The following TSPAN9 variants were observed in gnomAD, a reference collection of about 807,000 sequenced individuals.
TSPAN9 encodes tetraspanin 9.
TSPAN9 carries 16 observed loss-of-function variants against 31.0 expected under a neutral mutation model. The ratio of observed to expected loss-of-function variants is 0.52; its 90% CI spans 0.35 to 0.78. TSPAN9 has a LOEUF of 0.78. Ranked by LOEUF, TSPAN9 falls within the 30% of genes least tolerant of loss-of-function variation. The pLI is 0.01. For missense variants in TSPAN9, 272 were observed against 312.5 expected (o/e 0.87, Z 0.98); for synonymous variants, 145 against 121.6 (o/e 1.19, Z -1.27).
chr12:3,272,923 C>G (rs1485211903), intron 3 of TSPAN9: 1 of 152,300 alleles, frequency 6.6e-6, no homozygotes, highest in Non-Finnish European at 1.5e-5. Flanking sequence ...GGGATATTAG[C>G]TAACTACAAG....
At chr12:3,244,738 G>C (rs1376785126) in intron 3 of TSPAN9, among the ~76,000 whole-genome samples, 2 of 152,190 alleles carry the variant, frequency 1.3e-5, no homozygotes, top group African/African-American at 4.8e-5. Flanking sequence ...AATGGGGAGA[G>C]GGTTTGTGGG....
intron 3 of TSPAN9, among the ~76,000 whole-genome samples, chr12:3,250,742 C>T (rs1206789711): frequency 6.6e-6 from 1 of 152,258 alleles, no homozygotes; most frequent in East Asian, 1.9e-4. Flanking sequence ...GACACCAGAA[C>T]CCTTTCCTGG....
intron 3 of TSPAN9, among the ~76,000 whole-genome samples, chr12:3,264,638 C>T (rs980351892): frequency 6.6e-6 from 1 of 152,214 alleles, no homozygotes; most frequent in Non-Finnish European, 1.5e-5. Flanking sequence ...CAGGACCTCC[C>T]TGCCTCTCTC....
At chr12:3,209,249 A>T (rs1565614578) in intron 3 of TSPAN9, among the ~76,000 whole-genome samples, 1 of 146,048 alleles carries the variant, frequency 6.8e-6, no homozygotes, top group East Asian at 1.9e-4. Flanking sequence ...AAAAAAAAAA[A>T]TAAAAAACTA....
At chr12:3,202,206 G>A (rs558713008) in intron 3 of TSPAN9, among the ~76,000 whole-genome samples, 8 of 152,168 alleles carry the variant, frequency 5.3e-5, no homozygotes, top group South Asian at 4.1e-4. Context: ...CCCAATTGCC[G>A]TCTCTGCCTT....
intron 2 of TSPAN9, among the ~76,000 whole-genome samples, chr12:3,140,359 G>A (rs1351792816): frequency 6.6e-6 from 1 of 152,148 alleles, no homozygotes; most frequent in Admixed American, 6.5e-5. Flanking sequence ...CAAGATACGG[G>A]CCAGTTTGGG....
At chr12:3,134,899 T>C (rs929576499) in intron 2 of TSPAN9, among the ~76,000 whole-genome samples, 1 of 151,944 alleles carries the variant, frequency 6.6e-6, no homozygotes, top group South Asian at 2.1e-4. Context: ...ACATCATCCA[T>C]GTATAGAAGG....
At chr12:3,165,645 T>C (rs1312746159) in intron 2 of TSPAN9, among the ~76,000 whole-genome samples, 1 of 152,214 alleles carries the variant, frequency 6.6e-6, no homozygotes, top group African/African-American at 2.4e-5. Flanking sequence ...GCTGTGGGTC[T>C]GCTGGCAGCT....
rs773433446 is a variant in TSPAN9, at chr12:3,192,406, C to T, written c.-17-8771C>T. ...AAGCAGGGCTGGACAAGGGCGGGGA[C>T]GAGGAGGATGCCAGGTGCAGGGAGG... On this transcript the variant is annotated intron_variant, in intron 2 of 8. Coordinates refer to ENST00000011898, the MANE Select transcript of TSPAN9 (RefSeq NM_006675.5). The surrounding 1 kb of genome is among the most constrained non-coding windows in gnomAD (Gnocchi z 4.6). Among the ~76,000 whole-genome samples the T allele has an allele frequency of 6.5e-4, 99 of 152,010 alleles. 1 individual carries two copies. The highest frequency in any genetic ancestry group is 2.1e-3 in the African/African-American group (89 of 41,430).
intron 2 of TSPAN9, among the ~76,000 whole-genome samples, chr12:3,091,994 T>G (rs1034490350): frequency 2.0e-5 from 3 of 152,186 alleles, no homozygotes; most frequent in African/African-American, 7.2e-5. Context: ...AGGTTTTATA[T>G]TAATCAGTGC....
In TSPAN9 at chr12:3,168,849, G is replaced by A. The variant is rs906878446; in HGVS notation, c.-17-32328G>A. On this transcript the variant is annotated intron_variant, in intron 2 of 8. Transcript: ENST00000011898. This position sits in a 1 kb window ranked among gnomAD's most constrained non-coding sequence, Gnocchi z 4.0. ...TCAGATGCGCTGCCTCGATGGCCCC[G>A]CCTCCCTCCCGGCCAGTGTGGGCGT... Among the ~76,000 whole-genome samples the A allele has an allele frequency of 5.3e-5, 8 of 152,160 alleles. No homozygotes were observed. Among genetic ancestry groups the A allele is most frequent in the African/African-American group, 1.7e-4 (7 of 41,452 alleles).
chr12:3,246,599 G>A (rs1284123323), intron 3 of TSPAN9, among the ~76,000 whole-genome samples: 3 of 152,192 alleles, frequency 2.0e-5, no homozygotes, highest in Admixed American at 1.3e-4. Flanking sequence ...CCAGGGAACA[G>A]TAGCCCAATT....
rs183127582 is a variant in TSPAN9 at position 3,203,273 on chromosome 12, C to T, written c.63+2017C>T. ...CTAGTACAGTGATCTGTACCCTGCACGTTGTAGGCCCTCATTATATGTTTG... is the reference window on the plus strand; with the variant it reads ...CTAGTACAGTGATCTGTACCCTGCATGTTGTAGGCCCTCATTATATGTTTG... On this transcript the variant is annotated intron_variant, in intron 3 of 8. Coordinates refer to ENST00000011898, the MANE Select transcript of TSPAN9 (RefSeq NM_006675.5). Among the ~76,000 whole-genome samples, 29 of 152,238 alleles carry T rather than the reference C, an allele frequency of 1.9e-4. No individual in the cohort carries two copies. In the East Asian group the frequency reaches 2.9e-3, roughly 15 times the overall value.
intron 3 of TSPAN9, among the ~76,000 whole-genome samples, chr12:3,236,440 GC>G (rs1459369972): frequency 2.0e-5 from 3 of 152,188 alleles, no homozygotes; most frequent in African/African-American, 7.2e-5. Flanking sequence ...TAGGTAACTT[GC>G]CCTGGGCTGT....
At chr12:3,248,844 C>A (rs1862191990) in intron 3 of TSPAN9, among the ~76,000 whole-genome samples, 1 of 152,186 alleles carries the variant, frequency 6.6e-6, no homozygotes, top group Non-Finnish European at 1.5e-5. Context: ...GTTTCAACTT[C>A]TTGCTTCAAA....
At chr12:3,094,847 CTTTT>C (rs61154605) in intron 2 of TSPAN9, among the ~76,000 whole-genome samples, 30 of 101,946 alleles carry the variant, frequency 2.9e-4, no homozygotes, top group African/African-American at 1.1e-3. Flanking sequence ...AATCAATAAT[CTTTT>C]TTTTTTTTTT....
chr12:3,176,305 G>T (rs1416379928), intron 2 of TSPAN9, among the ~76,000 whole-genome samples: 1 of 152,230 alleles, frequency 6.6e-6, no homozygotes, highest in Non-Finnish European at 1.5e-5. Context: ...GCCTGGGCTG[G>T]GGAAGGAAGA....
At chr12:3,129,848 G>A (rs528290765) in intron 2 of TSPAN9, among the ~76,000 whole-genome samples, 4 of 152,292 alleles carry the variant, frequency 2.6e-5, no homozygotes, top group Admixed American at 2.6e-4. Context: ...GGGGCCAGCT[G>A]TCCCTCGGGG....
chr12:3,278,896 C>A lies in TSPAN9; in HGVS notation c.256-96C>A, dbSNP rs1036907317. ...GCTGGCTTCTCCCAGACCTGGGAAG[C>A]CCCACCTAGGCGCCGCCTGTCCCTG... On this transcript the variant is annotated intron_variant, in intron 4 of 8. Transcript: ENST00000011898. 4 of 1,334,512 alleles carry A rather than the reference C, an allele frequency of 3.0e-6. No homozygotes were observed. The South Asian group carries it at 3.7e-5, about 12-fold the overall frequency. 82.7% of individuals were successfully genotyped at this position (1,334,512 alleles called of 1,614,324 possible). A position where few individuals can be genotyped will look rare whatever the true frequency, so the allele number is the denominator to read the frequency against.
Sources: allele counts gnomAD v4.1 joint callset (sites outside exome capture counted in the v4.1 genomes callset), GRCh38; gene constraint gnomAD v4.1.1; non-coding constraint Gnocchi (gnomAD v3.1); transcripts MANE v1.5; gene names NCBI Gene and HGNC (gene_info 2026-07-23, HGNC 2026-07-21).